Variants in RARB observed in about 807,000 individuals in gnomAD.
The protein encoded by RARB is retinoic acid receptor beta, also known as HBV-activated protein.
In RARB, 17 loss-of-function variants were observed where a neutral mutation model predicts 51.9. That is an observed-to-expected ratio of 0.33 (90% CI 0.22 to 0.49). The LOEUF (loss-of-function observed/expected upper bound fraction) is 0.49, where lower values mean the gene tolerates loss of function less well. Ranked by LOEUF, RARB falls within the 20% of genes least tolerant of loss-of-function variation. RARB has a pLI of 0.99. For missense variants in RARB, 369 were observed against 550.8 expected (o/e 0.67, Z 3.30); for synonymous variants, 215 against 195.4 (o/e 1.10, Z -0.84).
intron 2 of RARB, among the ~76,000 whole-genome samples, chr3:24,960,456 C>T (rs1307398570): frequency 1.3e-5 from 2 of 152,176 alleles, no homozygotes; most frequent in African/African-American, 4.8e-5. Context: ...TTCAATTGAG[C>T]AGACATCCTG....
At chr3:25,433,439 A>T (rs1032489035) in intron 1 of RARB, among the ~76,000 whole-genome samples, 1 of 152,180 alleles carries the variant, frequency 6.6e-6, no homozygotes, top group Non-Finnish European at 1.5e-5. Flanking sequence ...CAAACTATAG[A>T]TCTGTGAATA....
chr3:24,917,877 A>G (rs2125384524), intron 2 of RARB, among the ~76,000 whole-genome samples: 1 of 152,328 alleles, frequency 6.6e-6, no homozygotes, highest in Middle Eastern at 3.4e-3. Context: ...ACCCACTAGA[A>G]TGATTATAAG....
intron 4 of RARB, among the ~76,000 whole-genome samples, chr3:25,166,501 C>G (rs1412308927): frequency 1.3e-5 from 2 of 152,108 alleles, no homozygotes; most frequent in Non-Finnish European, 2.9e-5. Flanking sequence ...TAGTGTCTGT[C>G]AAAGCAAAGA....
chr3:24,947,922 T>A (rs1399302837), intron 2 of RARB, among the ~76,000 whole-genome samples: 21 of 152,136 alleles, frequency 1.4e-4, no homozygotes, highest in Admixed American at 1.4e-3. Flanking sequence ...AGGCTTGTAG[T>A]GCATGCTTAA....
At chr3:25,510,840 G>A (rs1697857289) in intron 3 of RARB, among the ~76,000 whole-genome samples, 1 of 152,102 alleles carries the variant, frequency 6.6e-6, no homozygotes, top group African/African-American at 2.4e-5. Flanking sequence ...TCAGTTTGAT[G>A]CCAATACAGC....
At chr3:25,376,492 T>C (rs1706463253) in intron 5 of RARB, among the ~76,000 whole-genome samples, 1 of 151,694 alleles carries the variant, frequency 6.6e-6, no homozygotes, top group South Asian at 2.1e-4. Flanking sequence ...CTCCTTGCTC[T>C]GTAAAACCAC....
At chr3:25,378,025 A>T (rs556220442) in intron 5 of RARB, among the ~76,000 whole-genome samples, 1 of 152,182 alleles carries the variant, frequency 6.6e-6, no homozygotes, top group Admixed American at 6.5e-5. Context: ...AGCAATTTAG[A>T]TGAAAATGGA....
chr3:25,454,154 T>G (rs866623283), intron 1 of RARB, among the ~76,000 whole-genome samples: 5 of 152,294 alleles, frequency 3.3e-5, no homozygotes, highest in Admixed American at 6.5e-5. Context: ...TACTAAAATG[T>G]CTACACACGA....
At chr3:25,572,920 AAC>A (rs1700763186) in intron 4 of RARB, among the ~76,000 whole-genome samples, 1 of 152,136 alleles carries the variant, frequency 6.6e-6, no homozygotes, top group African/African-American at 2.4e-5. Context: ...GGGCAGGACA[AAC>A]ACAACGTACA....
At chr3:25,407,758 C>CTTTTT (rs11293787) in intron 5 of RARB, among the ~76,000 whole-genome samples, 1 of 146,956 alleles carries the variant, frequency 6.8e-6, no homozygotes, top group Non-Finnish European at 1.5e-5. Context: ...TGCATGAAGG[C>CTTTTT]TTTTTTTTTT....
At chr3:25,570,310 C>T (rs1292265444) in intron 4 of RARB, among the ~76,000 whole-genome samples, 1 of 152,340 alleles carries the variant, frequency 6.6e-6, no homozygotes, top group East Asian at 1.9e-4. Context: ...TGGGTCATGA[C>T]GGACCTCTGT....
intron 5 of RARB, among the ~76,000 whole-genome samples, chr3:25,367,530 G>A (rs9310780): frequency 0.43 from 65,386 of 151,676 alleles, 14,548 homozygotes; most frequent in East Asian, 0.75. Flanking sequence ...AAATGTGGCT[G>A]TTCAGCCAGG....
At chr3:25,142,358 A>T (rs1700120339) in intron 4 of RARB, among the ~76,000 whole-genome samples, 1 of 152,086 alleles carries the variant, frequency 6.6e-6, no homozygotes, top group Non-Finnish European at 1.5e-5. Flanking sequence ...TAAAAAAAAA[A>T]TCTTGAGATG....
intron 3 of RARB, among the ~76,000 whole-genome samples, chr3:25,081,592 T>C (rs1217775981): frequency 5.9e-5 from 1 of 16,820 alleles, no homozygotes; most frequent in South Asian, 2.3e-3. Flanking sequence ...TATACATATA[T>C]ATATATATAT....
chr3:25,437,589 C>G (rs983705671), intron 1 of RARB, among the ~76,000 whole-genome samples: 1 of 152,140 alleles, frequency 6.6e-6, no homozygotes, highest in Non-Finnish European at 1.5e-5. Flanking sequence ...AAAAATCTCC[C>G]CATGTCTTTG....
Position 25,461,272 on chromosome 3 carries a change from A to G in RARB, c.237A>G (p.Lys79=), listed in dbSNP as rs1575425903. Residue 79 remains lysine (K), a synonymous_variant, in exon 2 of 8, where the codon AAA becomes AAG. Coordinates refer to ENST00000330688, the MANE Select transcript of RARB (RefSeq NM_000965.5). ...PSPLPPPRVY[K]PCFVCQDKSS... The stretch of plus-strand genomic sequence containing the variant: ...CACTTCCTCCCCCTCGAGTGTACAA[A>G]CCCTGCTTCGTCTGCCAGGACAAAT... The G allele has an allele frequency of 1.2e-6, 2 of 1,613,234 alleles. No individual in the cohort carries two copies. Among genetic ancestry groups the G allele is most frequent in the East Asian group, 2.2e-5 (1 of 44,820 alleles).
intron 2 of RARB, among the ~76,000 whole-genome samples, chr3:24,929,164 A>C (rs1695389507): frequency 6.6e-6 from 1 of 152,076 alleles, no homozygotes. Context: ...TTAGTAAACA[A>C]ATGTATAAAG....
chr3:24,873,327 C>G (rs141378107), intron 2 of RARB, among the ~76,000 whole-genome samples: 2 of 151,986 alleles, frequency 1.3e-5, no homozygotes, highest in African/African-American at 4.8e-5. Flanking sequence ...CATTTAACTT[C>G]GTTAATGGTT....
chr3:25,001,589 A>G (rs1697161551), intron 2 of RARB, among the ~76,000 whole-genome samples: 1 of 152,180 alleles, frequency 6.6e-6, no homozygotes, highest in Admixed American at 6.5e-5. Context: ...CCAGAAGATC[A>G]GCTCTTAGCC....
Sources: allele counts gnomAD v4.1 joint callset (sites outside exome capture counted in the v4.1 genomes callset), GRCh38; gene constraint gnomAD v4.1.1; transcripts MANE v1.5; gene names NCBI Gene and HGNC (gene_info 2026-07-23, HGNC 2026-07-21).